The following DNTTIP2 variants were observed in gnomAD, a reference collection of about 807,000 sequenced individuals.
DNTTIP2 encodes the protein deoxynucleotidyltransferase terminal interacting protein 2, also known as deoxynucleotidyltransferase terminal-interacting protein 2.
In DNTTIP2, 47 loss-of-function variants were observed where a neutral mutation model predicts 62.4. The observed-to-expected ratio is 0.75, with a 90% CI of 0.60 to 0.96. The LOEUF is 0.96. DNTTIP2 is among the 40% of genes least tolerant of loss of function. The probability of loss-of-function intolerance (pLI) is 0.00; values close to 1 mark genes in which losing one functional copy is unlikely to be tolerated. For synonymous variants in DNTTIP2, 322 were observed against 300.9 expected (o/e 1.07, Z -0.73); for missense variants, 870 against 849.1 (o/e 1.02, Z -0.31).
rs572438399 is a variant in DNTTIP2, at chr1:93,868,674, A to G, written c.*1177T>C. 2.6e-5 allele frequency: 4 copies of G among 152,368 alleles called. No homozygotes were observed. The highest frequency in any genetic ancestry group is 2.1e-4 in the South Asian group (1 of 4,826). The allele number at this position is 152,368 out of a possible 1,614,324, so 9.4% of individuals were successfully genotyped here. On this transcript the variant is annotated 3_prime_UTR_variant, in exon 7 of 7. Transcript: ENST00000436063. ...ATGGAATACTATGTGGCCATAAAAA[A>G]GCATGAGTTCATGTCCTTTGCAGGG...
chr1:93,872,969 T>C, intron 4 of DNTTIP2, 150 bp downstream of exon 4: 1 of 518,698 alleles, frequency 1.9e-6, no homozygotes, highest in Non-Finnish European at 3.4e-6. Flanking sequence ...TTTATGGTAC[T>C]ATATTTTACA....
chr1:93,876,459 G>C lies in DNTTIP2; in HGVS notation c.1476C>G (p.Asp492Glu), dbSNP rs772397585. ...LSCDNALFVI[D>E]TTPGMSADKN... ...TATCAGCACTCATTCCAGGAGTTGT[G>C]TCAATTACAAACAATGCATTGTCAC... The change falls in exon 2 of 7, where the codon GAC becomes GAG. Residue 492 changes from aspartate to glutamate, a missense_variant. Physicochemically the swap from Asp to Glu is conservative, Grantham distance 45 (BLOSUM62 2). Coordinates refer to ENST00000436063, the MANE Select transcript of DNTTIP2 (RefSeq NM_014597.5). The C allele has an allele frequency of 6.2e-7, 1 of 1,613,620 alleles. No individual in the cohort carries two copies. The highest frequency in any genetic ancestry group is 8.5e-7 in the Non-Finnish European group (1 of 1,179,864).
rs1655785156 is a variant in DNTTIP2, at chr1:93,868,894, T to C, written c.*957A>G. The stretch of plus-strand genomic sequence containing the variant: ...GAGGGATAGCACTAGGAGAAATACC[T>C]AATGTAGATAGGTTGATGGGTGCAG... On this transcript the variant is annotated 3_prime_UTR_variant, in exon 7 of 7. Transcript: ENST00000436063. 1 of 151,902 alleles carries C rather than the reference T, an allele frequency of 6.6e-6. No individual in the cohort carries two copies. The highest frequency in any genetic ancestry group is 1.5e-5 in the Non-Finnish European group (1 of 68,044). The allele number at this position is 151,902 out of a possible 1,614,324, so 9.4% of individuals were successfully genotyped here. A position where few individuals can be genotyped will look rare whatever the true frequency, so the allele number is the denominator to read the frequency against.
Position 93,876,508 on chromosome 1 carries a change from C to T in DNTTIP2, c.1427G>A (p.Ser476Asn). Reference sequence around the variant, plus strand: ...ACATGACAGACTTCCTGTGTCTCCACTTAATGACTCCCTTTGGCCACTATT... The same window carrying T: ...ACATGACAGACTTCCTGTGTCTCCATTTAATGACTCCCTTTGGCCACTATT... The part of the protein sequence containing the change: ...VENSGQRESL[S>N]GDTGSLSCDN... Residue 476 changes from serine (S) to asparagine (N), a missense_variant, in exon 2 of 7, where the codon AGT (serine) becomes AAT (asparagine). Transcript: ENST00000436063. The T allele has an allele frequency of 1.2e-6, 2 of 1,613,996 alleles. No homozygotes were observed.
Position 93,879,129 on chromosome 1 carries a change from G to A in DNTTIP2, c.20C>T (p.Ala7Val). ...GGCTTGGATGCTGGCCTTAGCCCGTGCAGATCTGGTAACCACCATCTTTCC... is the reference window on the plus strand; with the variant it reads ...GGCTTGGATGCTGGCCTTAGCCCGTACAGATCTGGTAACCACCATCTTTCC... MVVTRS[A>V]RAKASIQAAS... Residue 7 changes from alanine to valine, a missense_variant, in exon 1 of 7, where the codon GCA becomes GTA. By Grantham distance (64) the Ala-to-Val change is moderately conservative (BLOSUM62 0). Coordinates refer to ENST00000436063, the MANE Select transcript of DNTTIP2 (RefSeq NM_014597.5). 6.2e-7 allele frequency: 1 copy of A among 1,613,538 alleles called. No homozygotes were observed. The highest frequency in any genetic ancestry group is 1.1e-5 in the South Asian group (1 of 91,084).
chr1:93,870,335 G>A (rs1458505798), intron 6 of DNTTIP2, among the ~76,000 whole-genome samples: 1 of 152,108 alleles, frequency 6.6e-6, no homozygotes, highest in African/African-American at 2.4e-5. Flanking sequence ...TTTTCAAAGT[G>A]TGGTCTGTGG....
chr1:93,876,373 T>A lies in DNTTIP2; in HGVS notation c.1562A>T (p.Glu521Val). The A allele has an allele frequency of 6.3e-7, 1 of 1,577,332 alleles. No homozygotes were observed. Among genetic ancestry groups the A allele is most frequent in the South Asian group, 1.1e-5 (1 of 87,456 alleles). The change falls in exon 2 of 7, where the codon GAA becomes GTA. Residue 521 changes from glutamate to valine, a missense_variant. By Grantham distance (121) the Glu-to-Val change is moderately radical (BLOSUM62 -2). Transcript: ENST00000436063. ...ASEVAIEEEK[E>V]EEEDEKSEED... ...TTCACTTTTTTCATCCTCTTCCTCT[T>A]CTTTTTCTTCCTCAATGGCAACCTC...
In DNTTIP2 at chr1:93,869,573, G is replaced by T; in HGVS notation, c.*278C>A. 3.3e-6 allele frequency: 1 copy of T among 304,080 alleles called. No individual in the cohort carries two copies. Among genetic ancestry groups the T allele is most frequent in the South Asian group, 9.6e-5 (1 of 10,424 alleles). The allele number at this position is 304,080 out of a possible 1,614,324, so 18.8% of individuals were successfully genotyped here. On this transcript the variant is annotated 3_prime_UTR_variant, in exon 7 of 7. Transcript: ENST00000436063. ...AATTAAATTTTCTTTAAATAACTAA[G>T]CATTGAAAACTTTACAAACCATCAG...
rs1046042872 is a variant in DNTTIP2, at chr1:93,867,324, T to C, written c.*2527A>G. ...GTATAAAGCCTTCAAATAGTTCCAG[T>C]TGGCTGGGCATGGTGGCTCACACCT... On this transcript the variant is annotated 3_prime_UTR_variant, in exon 7 of 7. Transcript: ENST00000436063. 2.0e-5 allele frequency: 3 copies of C among 151,988 alleles called. No homozygotes were observed. Among genetic ancestry groups the C allele is most frequent in the Admixed American group, 2.0e-4 (3 of 15,250 alleles). The allele number at this position is 151,988 out of a possible 1,614,324, so 9.4% of individuals were successfully genotyped here. A position where few individuals can be genotyped will look rare whatever the true frequency, so the allele number is the denominator to read the frequency against.
rs1656038726 is a variant in DNTTIP2, at chr1:93,877,378, G to C, written c.557C>G (p.Ala186Gly). ...TGAAATGTCTGAGCTTGATGTCTCA[G>C]CATCAGATATAGCTTCTGTATGAGA... ...QESHTEAISD[A>G]ETSSSDISFS... Residue 186 changes from alanine (A) to glycine (G), a missense_variant, in exon 2 of 7, where the codon GCT becomes GGT. Coordinates refer to ENST00000436063, the MANE Select transcript of DNTTIP2 (RefSeq NM_014597.5). The C allele has an allele frequency of 6.2e-7, 1 of 1,613,650 alleles. No homozygotes were observed. The highest frequency in any genetic ancestry group is 1.1e-5 in the South Asian group (1 of 91,088).
Position 93,870,668 on chromosome 1 carries a change from T to A in DNTTIP2, c.2177+15A>T. 1 of 1,419,542 alleles carries A rather than the reference T, an allele frequency of 7.0e-7. No individual in the cohort carries two copies. The highest frequency in any genetic ancestry group is 9.5e-7 in the Non-Finnish European group (1 of 1,052,432). The allele number at this position is 1,419,542 out of a possible 1,614,324, so 87.9% of individuals were successfully genotyped here. A position where few individuals can be genotyped will look rare whatever the true frequency, so the allele number is the denominator to read the frequency against. On this transcript the variant is annotated intron_variant, in intron 6 of 6. Transcript: ENST00000436063. ...CAAAGTATACATATTATAAAATAAA[T>A]ATGAATTCCTTTACCTTCTGAATTC...
At chr1:93,873,426 TAAAAAAA>T (rs576358369) in intron 3 of DNTTIP2, 3 of 213,312 alleles carry the variant, frequency 1.4e-5, no homozygotes, top group South Asian at 1.0e-4. Flanking sequence ...ACCCTGACTG[TAAAAAAA>T]AAAAAAAAAA....
chr1:93,876,522 T>G lies in DNTTIP2; in HGVS notation c.1413A>C (p.Gln471His), dbSNP rs780307194. ...CTGTGTCTCCACTTAATGACTCCCT[T>G]TGGCCACTATTTTCAACAAAACATA... is the stretch of plus-strand genomic sequence containing the variant. The part of the protein sequence containing the change: ...DTLCFVENSG[Q>H]RESLSGDTGS... The change falls in exon 2 of 7, where the codon CAA becomes CAC. Residue 471 changes from glutamine to histidine, a missense_variant. Gln to His is a conservative substitution (Grantham distance 24). Transcript: ENST00000436063. 1.9e-6 allele frequency: 3 copies of G among 1,613,994 alleles called. No individual in the cohort carries two copies. The highest frequency in any genetic ancestry group is 1.6e-4 in the Middle Eastern group (1 of 6,062).
rs771497802 is a variant in DNTTIP2, at chr1:93,876,675, A to G, written c.1260T>C (p.Phe420=). 22 of 1,613,928 alleles carry G rather than the reference A, an allele frequency of 1.4e-5. No homozygotes were observed. In the Admixed American group the frequency reaches 3.7e-4, roughly 27 times the overall value. Residue 420 remains phenylalanine, a synonymous_variant, in exon 2 of 7, where the codon TTT becomes TTC. Transcript: ENST00000436063. ...EDMNSEGNVD[F]ECDTKLYTSA... The stretch of plus-strand genomic sequence containing the variant: ...ACGTGTATAGTTTGGTATCACATTC[A>G]AAATCTACATTCCCTTCACTGTTCA...
At position 93,867,164 on chromosome 1, in the gene DNTTIP2, C is replaced by CATCTTGGAG. The variant is rs1448550172; in HGVS notation, c.*2678_*2686dup. 1 of 114,382 alleles carries CATCTTGGAG rather than the reference C, an allele frequency of 8.7e-6. No individual in the cohort carries two copies. Among genetic ancestry groups the CATCTTGGAG allele is most frequent in the African/African-American group, 3.8e-5 (1 of 26,166 alleles). 7.1% of individuals were successfully genotyped at this position (114,382 alleles called of 1,614,324 possible). A position where few individuals can be genotyped will look rare whatever the true frequency, so the allele number is the denominator to read the frequency against. ...CTCTCAAAAAAAAAAAAAAAAAAAGCATCTTGGAGCCAGATGGTGTATAAA... is the reference window on the plus strand; with the variant it reads ...CTCTCAAAAAAAAAAAAAAAAAAAGCATCTTGGAGATCTTGGAGCCAGATGGTGTATAAA... On this transcript the variant is annotated 3_prime_UTR_variant, in exon 7 of 7. Transcript: ENST00000436063.
At position 93,867,096 on chromosome 1, in the gene DNTTIP2, C is replaced by T. The variant is rs1046151097; in HGVS notation, c.*2755G>A. ...GGCGGAGGTTGCAGTGAACCAAGAT[C>T]ATGCCACTACACTCCAGCCTGGGCG... On this transcript the variant is annotated 3_prime_UTR_variant, in exon 7 of 7. Coordinates refer to ENST00000436063, the MANE Select transcript of DNTTIP2 (RefSeq NM_014597.5). 6.5e-5 allele frequency: 9 copies of T among 137,582 alleles called. No individual in the cohort carries two copies. Among genetic ancestry groups the T allele is most frequent in the African/African-American group, 1.1e-4 (4 of 37,252 alleles). The allele number at this position is 137,582 out of a possible 1,614,324, so 8.5% of individuals were successfully genotyped here.
In DNTTIP2 at chr1:93,876,615, A is replaced by G. The variant is rs1298672160; in HGVS notation, c.1320T>C (p.Ser440=). The change falls in exon 2 of 7, where the codon TCT becomes TCC. Residue 440 remains serine, a synonymous_variant. Coordinates refer to ENST00000436063, the MANE Select transcript of DNTTIP2 (RefSeq NM_014597.5). ...APNTSQGKDN[S]VLLVLSSDES... Reference sequence around the variant, plus strand: ...CATCACTGCTGAGAACTAGTAAGACAGAATTATCTTTACCCTGAGATGTGT... The same window carrying G: ...CATCACTGCTGAGAACTAGTAAGACGGAATTATCTTTACCCTGAGATGTGT... 12 of 1,613,926 alleles carry G rather than the reference A, an allele frequency of 7.4e-6. No individual in the cohort carries two copies. Among genetic ancestry groups the G allele is most frequent in the Non-Finnish European group, 1.0e-5 (12 of 1,179,906 alleles).
At chr1:93,870,941 G>GAA in intron 5 of DNTTIP2, 149 bp from the exon 6 acceptor site, 1 of 368,292 alleles carries the variant, frequency 2.7e-6, no homozygotes, top group Non-Finnish European at 4.7e-6. Flanking sequence ...TTTATTTAAA[G>GAA]CAAAAAAAAA....
intron 3 of DNTTIP2, among the ~76,000 whole-genome samples, chr1:93,874,518 C>T (rs972194451): frequency 1.3e-5 from 2 of 152,138 alleles, no homozygotes; most frequent in African/African-American, 2.4e-5. Flanking sequence ...TTATTTTGCA[C>T]TTGCTTGGGG....
Sources: allele counts gnomAD v4.1 joint callset (sites outside exome capture counted in the v4.1 genomes callset), GRCh38; gene constraint gnomAD v4.1.1; transcripts MANE v1.5; gene names NCBI Gene and HGNC (gene_info 2026-07-23, HGNC 2026-07-21).